The following FAM240B variants were observed in gnomAD, a reference collection of about 807,000 sequenced individuals.
FAM240B encodes protein FAM240B.
At chr9:38,701,655 T>C (rs1253762016) in intron 2 of FAM240B, among the ~76,000 whole-genome samples, 1 of 152,190 alleles carries the variant, frequency 6.6e-6, no homozygotes, top group Non-Finnish European at 1.5e-5. Flanking sequence ...CAATCATGTC[T>C]TCAAACACTT....
At chr9:38,714,565 G>A (rs1298882735) in intron 1 of FAM240B, among the ~76,000 whole-genome samples, 4 of 152,290 alleles carry the variant, frequency 2.6e-5, no homozygotes, top group South Asian at 4.1e-4. Flanking sequence ...AAATAAGTGT[G>A]GTTAAGGCTC....
chr9:38,708,890 T>A (rs1473109981), intron 1 of FAM240B, among the ~76,000 whole-genome samples: 1 of 152,226 alleles, frequency 6.6e-6, no homozygotes, highest in African/African-American at 2.4e-5. Context: ...TGCTGGGCTG[T>A]AAGAATTAGA....
intron 1 of FAM240B, among the ~76,000 whole-genome samples, chr9:38,715,203 C>T (rs1230494845): frequency 6.6e-6 from 1 of 152,206 alleles, no homozygotes; most frequent in Non-Finnish European, 1.5e-5. Context: ...CCAGCAGCGT[C>T]CTGCTGTTTA....
At chr9:38,697,427 T>C (rs1821081304) in intron 2 of FAM240B, among the ~76,000 whole-genome samples, 1 of 152,190 alleles carries the variant, frequency 6.6e-6, no homozygotes, top group African/African-American at 2.4e-5. Context: ...CCCTGCTGTC[T>C]TCCCAATCCT....
intron 1 of FAM240B, among the ~76,000 whole-genome samples, chr9:38,705,980 G>A (rs1331746453): frequency 6.6e-6 from 1 of 152,190 alleles, no homozygotes; most frequent in African/African-American, 2.4e-5. Flanking sequence ...AGGAGATGCA[G>A]GGACAGAAGA....
intron 1 of FAM240B, among the ~76,000 whole-genome samples, chr9:38,713,502 A>AAAAAAAAAAAC (rs1821278894): frequency 6.6e-6 from 1 of 151,368 alleles, no homozygotes; most frequent in African/African-American, 2.4e-5. Flanking sequence ...AAAAAAAAAA[A>AAAAAAAAAAAC]AAAGAACTAG....
chr9:38,702,480 G>A (rs1012153593), intron 2 of FAM240B, among the ~76,000 whole-genome samples: 4 of 152,280 alleles, frequency 2.6e-5, no homozygotes, highest in Admixed American at 6.5e-5. Context: ...GTGAGCAGAC[G>A]TCCCAGCAAA....
intron 1 of FAM240B, among the ~76,000 whole-genome samples, chr9:38,714,623 A>C (rs1180191597): frequency 6.6e-6 from 1 of 152,196 alleles, no homozygotes; most frequent in Non-Finnish European, 1.5e-5. Context: ...CCTTGATGTG[A>C]CATGATGTGA....
intron 2 of FAM240B, among the ~76,000 whole-genome samples, chr9:38,701,504 A>G (rs902681077): frequency 1.1e-4 from 16 of 152,218 alleles, no homozygotes; most frequent in Non-Finnish European, 2.2e-4. Context: ...TGCCAAATGA[A>G]AAAAGCTTTT....
intron 1 of FAM240B, among the ~76,000 whole-genome samples, chr9:38,713,514 T>C (rs1213017080): frequency 7.1e-6 from 1 of 141,738 alleles, no homozygotes; most frequent in Admixed American, 7.0e-5. Context: ...AAGAACTAGA[T>C]TTCATCATCT....
chr9:38,716,062 C>A (rs1748084710), intron 1 of FAM240B, among the ~76,000 whole-genome samples: 1 of 152,140 alleles, frequency 6.6e-6, no homozygotes, highest in Non-Finnish European at 1.5e-5. Flanking sequence ...TGCCTCTATG[C>A]CTGTTTGGAT....
chr9:38,714,953 T>C (rs1202323251), intron 1 of FAM240B, among the ~76,000 whole-genome samples: 3 of 152,242 alleles, frequency 2.0e-5, no homozygotes, highest in Non-Finnish European at 4.4e-5. Context: ...CCAATGCTAA[T>C]TTTATTGTTT....
chr9:38,713,083 C>T (rs545788586), intron 1 of FAM240B, among the ~76,000 whole-genome samples: 1 of 152,130 alleles, frequency 6.6e-6, no homozygotes, highest in South Asian at 2.1e-4. Context: ...GCTCAGGGAG[C>T]CTTGCTGACT....
At chr9:38,714,324 T>TA (rs1355002998) in intron 1 of FAM240B, among the ~76,000 whole-genome samples, 3 of 152,202 alleles carry the variant, frequency 2.0e-5, no homozygotes, top group African/African-American at 7.2e-5. Context: ...TGATCAGTGG[T>TA]AAAAATGAGT....
chr9:38,710,044 A>G (rs1353558135), intron 1 of FAM240B, among the ~76,000 whole-genome samples: 3 of 152,126 alleles, frequency 2.0e-5, no homozygotes, highest in Non-Finnish European at 4.4e-5. Flanking sequence ...ATCTCGGCTC[A>G]CTGCAACCTC....
At chr9:38,698,722 GA>G (rs150644468) in intron 2 of FAM240B, among the ~76,000 whole-genome samples, 5 of 151,580 alleles carry the variant, frequency 3.3e-5, no homozygotes, top group African/African-American at 9.7e-5. Context: ...TTCATTCTAG[GA>G]AAAAAAATAG....
chr9:38,712,489 T>C (rs1017791635), intron 1 of FAM240B, among the ~76,000 whole-genome samples: 2 of 152,248 alleles, frequency 1.3e-5, no homozygotes, highest in Admixed American at 1.3e-4. Context: ...CCATCTCATT[T>C]AATCCTCAGC....
intron 1 of FAM240B, among the ~76,000 whole-genome samples, chr9:38,706,928 G>A (rs547705974): frequency 5.1e-4 from 77 of 152,232 alleles, no homozygotes; most frequent in Admixed American, 1.6e-3. Context: ...CCCTCCTCTA[G>A]CAATTAGGTT....
chr9:38,719,733 C>A (rs1023967319), intron 1 of FAM240B, among the ~76,000 whole-genome samples: 4 of 152,086 alleles, frequency 2.6e-5, no homozygotes, highest in Admixed American at 1.3e-4. Flanking sequence ...CTCCAAAAAG[C>A]CTTGCTCTGT....
Sources: allele counts gnomAD v4.1 joint callset (sites outside exome capture counted in the v4.1 genomes callset), GRCh38; gene constraint gnomAD v4.1.1; transcripts MANE v1.5; gene names NCBI Gene and HGNC (gene_info 2026-07-23, HGNC 2026-07-21).